ARHGAP26: variants seen among roughly 807,000 people sequenced by gnomAD.
ARHGAP26 encodes Rho GTPase activating protein 26.
ARHGAP26 carries 38 observed loss-of-function variants against 104.8 expected under a neutral mutation model. The observed-to-expected ratio is 0.36, with a 90% CI of 0.28 to 0.48. The LOEUF is 0.48. ARHGAP26 is among the 20% of genes least tolerant of loss of function. ARHGAP26 has a pLI of 0.99. For missense variants in ARHGAP26, 704 were observed against 947.9 expected (o/e 0.74, Z 3.38); for synonymous variants, 341 against 340.0 (o/e 1.00, Z -0.03).
chr5:143,004,662 A>G (rs574297288), intron 11 of ARHGAP26, among the ~76,000 whole-genome samples: 41 of 152,282 alleles, frequency 2.7e-4, no homozygotes, highest in African/African-American at 8.9e-4. Context: ...GTTCAGCACA[A>G]TAAGATTTCC....
At chr5:142,948,009 C>A (rs897626295) in intron 11 of ARHGAP26, among the ~76,000 whole-genome samples, 6 of 152,026 alleles carry the variant, frequency 3.9e-5, no homozygotes, top group Non-Finnish European at 7.4e-5. Flanking sequence ...CCAGCCTGGG[C>A]AACATAATCA....
chr5:143,139,815 A>T (rs923459587), intron 19 of ARHGAP26, among the ~76,000 whole-genome samples: 1 of 152,174 alleles, frequency 6.6e-6, no homozygotes, highest in Non-Finnish European at 1.5e-5. Context: ...TCCAGCAGAG[A>T]CTGTACTGGT....
chr5:142,771,308 C>T (rs1439558630), intron 1 of ARHGAP26: 3 of 1,234,134 alleles, frequency 2.4e-6, no homozygotes, highest in East Asian at 6.3e-5. Flanking sequence ...AGTTGCTCAG[C>T]CTTGAGTGCC....
At chr5:143,131,564 C>G (rs1797356205) in intron 18 of ARHGAP26, among the ~76,000 whole-genome samples, 1 of 152,194 alleles carries the variant, frequency 6.6e-6, no homozygotes, top group Admixed American at 6.5e-5. Flanking sequence ...CTAGAAGACA[C>G]TGTTAGGTTG....
intron 17 of ARHGAP26, among the ~76,000 whole-genome samples, chr5:143,078,873 T>C (rs1314657474): frequency 6.6e-6 from 1 of 152,228 alleles, no homozygotes; most frequent in East Asian, 1.9e-4. Flanking sequence ...GGCTGACTGG[T>C]GAAACCGGTG....
At chr5:142,967,255 C>A (rs542622123) in intron 11 of ARHGAP26, among the ~76,000 whole-genome samples, 2 of 152,238 alleles carry the variant, frequency 1.3e-5, no homozygotes, top group Admixed American at 1.3e-4. Flanking sequence ...ACAGAGTGAA[C>A]TCTGGTTGTA....
chr5:142,814,083 C>T (rs1317282091), intron 1 of ARHGAP26, among the ~76,000 whole-genome samples: 1 of 152,226 alleles, frequency 6.6e-6, no homozygotes, highest in Admixed American at 6.5e-5. Flanking sequence ...ACAGTGTTAT[C>T]CACAAGTAGG....
At chr5:143,209,502 C>A (rs187087222) in intron 21 of ARHGAP26, among the ~76,000 whole-genome samples, 1 of 152,046 alleles carries the variant, frequency 6.6e-6, no homozygotes, top group African/African-American at 2.4e-5. Context: ...CAAGGCAGGC[C>A]GGGCACAGTG....
intron 19 of ARHGAP26, among the ~76,000 whole-genome samples, chr5:143,137,843 T>G (rs1382212488): frequency 6.6e-6 from 1 of 152,254 alleles, no homozygotes; most frequent in Non-Finnish European, 1.5e-5. Flanking sequence ...CCAGCCTCTC[T>G]GCAGTGTCCT....
chr5:143,177,986 CCTTT>C (rs1803733342), intron 20 of ARHGAP26, among the ~76,000 whole-genome samples: 2 of 118,408 alleles, frequency 1.7e-5, no homozygotes, highest in Non-Finnish European at 1.7e-5. Flanking sequence ...GTGTGGCAGT[CCTTT>C]TTTTTTTTTT....
At chr5:142,985,894 T>G (rs2152741745) in intron 11 of ARHGAP26, among the ~76,000 whole-genome samples, 1 of 152,256 alleles carries the variant, frequency 6.6e-6, no homozygotes, top group Middle Eastern at 3.4e-3. Context: ...ATTTTTTAAA[T>G]CCAGTCTATC....
intron 11 of ARHGAP26, among the ~76,000 whole-genome samples, chr5:142,952,454 C>T (rs549327611): frequency 1.3e-5 from 2 of 152,164 alleles, no homozygotes; most frequent in Non-Finnish European, 1.5e-5. Flanking sequence ...CTTTCTCATT[C>T]CCCCTCAACA....
At chr5:143,168,067 C>G (rs1186606874) in intron 20 of ARHGAP26, among the ~76,000 whole-genome samples, 1 of 152,120 alleles carries the variant, frequency 6.6e-6, no homozygotes, top group Non-Finnish European at 1.5e-5. Flanking sequence ...TCAAGGAAGG[C>G]TTTGTGATCA....
At chr5:143,186,188 A>G (rs1805109286) in intron 20 of ARHGAP26, among the ~76,000 whole-genome samples, 1 of 152,176 alleles carries the variant, frequency 6.6e-6, no homozygotes, top group South Asian at 2.1e-4. Flanking sequence ...GAATATTATA[A>G]TATCACCTTG....
intron 20 of ARHGAP26, among the ~76,000 whole-genome samples, chr5:143,186,514 T>C (rs1015392952): frequency 6.6e-6 from 1 of 152,192 alleles, no homozygotes; most frequent in Non-Finnish European, 1.5e-5. Flanking sequence ...AGCCTCTCTT[T>C]GATAACACCA....
chr5:143,126,674 A>G (rs952739195), intron 18 of ARHGAP26, among the ~76,000 whole-genome samples: 1 of 152,184 alleles, frequency 6.6e-6, no homozygotes, highest in Non-Finnish European at 1.5e-5. Flanking sequence ...ACTAGCTCAT[A>G]GCATCATTTC....
chr5:142,869,465 C>T (rs868754886), intron 1 of ARHGAP26, among the ~76,000 whole-genome samples: 2 of 151,998 alleles, frequency 1.3e-5, no homozygotes. Context: ...ATGATCCACC[C>T]GCCTTGGCCT....
At chr5:143,025,631 C>T (rs773586427) in intron 12 of ARHGAP26, among the ~76,000 whole-genome samples, 1 of 152,194 alleles carries the variant, frequency 6.6e-6, no homozygotes, top group Admixed American at 6.5e-5. Flanking sequence ...CTGCAGTGTG[C>T]ATTAAGCCTT....
intron 17 of ARHGAP26, among the ~76,000 whole-genome samples, chr5:143,118,305 T>C (rs552070915): frequency 1.2e-4 from 18 of 152,286 alleles, no homozygotes; most frequent in Middle Eastern, 3.4e-3. Flanking sequence ...TCACATGAAG[T>C]AGGTATGTTA....
Sources: gnomAD v4.1 joint callset for allele counts (sites outside exome capture counted in the v4.1 genomes callset) on GRCh38, gnomAD v4.1.1 for gene constraint, MANE v1.5 for transcripts, NCBI Gene and HGNC (gene_info 2026-07-23, HGNC 2026-07-21) for gene names.